SLC9A9: variants seen among roughly 807,000 people sequenced by gnomAD.
SLC9A9 encodes solute carrier family 9 member A9, also known as sodium/hydrogen exchanger 9.
SLC9A9 carries 62 observed loss-of-function variants against 77.8 expected under a neutral mutation model. The observed-to-expected ratio is 0.80, with a 90% CI of 0.65 to 0.98. SLC9A9 has a LOEUF of 0.98. Ranked by LOEUF, SLC9A9 falls within the 50% of genes least tolerant of loss-of-function variation. SLC9A9 has a pLI of 0.00. For missense variants in SLC9A9, 775 were observed against 774.9 expected (o/e 1.00, Z 0.00); for synonymous variants, 320 against 283.5 (o/e 1.13, Z -1.29).
intron 2 of SLC9A9, among the ~76,000 whole-genome samples, chr3:143,824,314 A>G (rs2108883339): frequency 6.6e-6 from 1 of 152,262 alleles, no homozygotes; most frequent in South Asian, 2.1e-4. Context: ...AAAAAACCAA[A>G]AACAAAAAAC....
At chr3:143,543,103 C>G (rs1172542434) in intron 9 of SLC9A9, among the ~76,000 whole-genome samples, 1 of 152,186 alleles carries the variant, frequency 6.6e-6, no homozygotes, top group African/African-American at 2.4e-5. Flanking sequence ...TCATGGTTAT[C>G]TTTGTAAGAC....
At chr3:143,373,169 A>G (rs1172444717) in intron 13 of SLC9A9, among the ~76,000 whole-genome samples, 4 of 152,208 alleles carry the variant, frequency 2.6e-5, no homozygotes, top group Non-Finnish European at 5.9e-5. Flanking sequence ...ATTGCAATAC[A>G]ATTCACAACT....
intron 5 of SLC9A9, among the ~76,000 whole-genome samples, chr3:143,672,067 T>C (rs2108765879): frequency 6.6e-6 from 1 of 152,372 alleles, no homozygotes; most frequent in South Asian, 2.1e-4. Flanking sequence ...TTTTGCTGTT[T>C]ATAATATGGC....
intron 12 of SLC9A9, among the ~76,000 whole-genome samples, chr3:143,462,865 T>G (rs2035218390): frequency 6.6e-6 from 1 of 152,182 alleles, no homozygotes; most frequent in Non-Finnish European, 1.5e-5. Context: ...ACTAGTTGAG[T>G]GTGCAGGCCC....
intron 1 of SLC9A9, among the ~76,000 whole-genome samples, chr3:143,835,975 G>C (rs1036283845): frequency 2.0e-5 from 3 of 152,204 alleles, no homozygotes; most frequent in Non-Finnish European, 2.9e-5. Flanking sequence ...TGTATCCCCT[G>C]CTTCTTCAAG....
chr3:143,563,327 T>G (rs1477115143), intron 8 of SLC9A9, among the ~76,000 whole-genome samples: 1 of 152,194 alleles, frequency 6.6e-6, no homozygotes, highest in Non-Finnish European at 1.5e-5. Flanking sequence ...GACTTCCACT[T>G]CTGGACCCCC....
At chr3:143,831,303 G>T (rs934232914) in intron 2 of SLC9A9, among the ~76,000 whole-genome samples, 1 of 152,076 alleles carries the variant, frequency 6.6e-6, no homozygotes, top group Non-Finnish European at 1.5e-5. Context: ...ACTGATCCAG[G>T]GTTTACAAGG....
intron 1 of SLC9A9, among the ~76,000 whole-genome samples, chr3:143,833,544 T>C (rs1455881068): frequency 2.0e-5 from 3 of 152,206 alleles, no homozygotes; most frequent in East Asian, 3.9e-4. Context: ...TCAGAATGAG[T>C]TGGGATCCAG....
chr3:143,601,301 G>C (rs552085382), intron 6 of SLC9A9, among the ~76,000 whole-genome samples: 2 of 152,246 alleles, frequency 1.3e-5, no homozygotes, highest in African/African-American at 4.8e-5. Flanking sequence ...TTTGAGATGG[G>C]AAATCATTTG....
chr3:143,450,781 G>C (rs2034993302), intron 12 of SLC9A9, among the ~76,000 whole-genome samples: 1 of 152,180 alleles, frequency 6.6e-6, no homozygotes, highest in African/African-American at 2.4e-5. Flanking sequence ...AGCCCACATG[G>C]ACACAGGCTG....
At chr3:143,462,555 C>T (rs115710751) in intron 12 of SLC9A9, among the ~76,000 whole-genome samples, 2,137 of 152,176 alleles carry the variant, frequency 0.014, 49 homozygotes, top group Admixed American at 0.055. Flanking sequence ...CTATAAGTAC[C>T]GTAATTCTAA....
At chr3:143,582,282 TA>T (rs1392386422) in intron 6 of SLC9A9, among the ~76,000 whole-genome samples, 1 of 152,222 alleles carries the variant, frequency 6.6e-6, no homozygotes, top group East Asian at 1.9e-4. Context: ...ACCTCATCTG[TA>T]AAATGGAGAT....
At chr3:143,841,479 C>A (rs1311028586) in intron 1 of SLC9A9, among the ~76,000 whole-genome samples, 1 of 152,130 alleles carries the variant, frequency 6.6e-6, no homozygotes, top group Non-Finnish European at 1.5e-5. Flanking sequence ...AACTTTTTGA[C>A]ATAATAGATG....
chr3:143,574,466 T>C (rs1382606592), intron 7 of SLC9A9, among the ~76,000 whole-genome samples: 1 of 152,186 alleles, frequency 6.6e-6, no homozygotes, highest in Non-Finnish European at 1.5e-5. Context: ...TTCAGCTCAC[T>C]GTGGGCCTAG....
intron 6 of SLC9A9, among the ~76,000 whole-genome samples, chr3:143,634,921 G>A (rs1246750462): frequency 2.0e-5 from 3 of 151,734 alleles, no homozygotes; most frequent in Non-Finnish European, 4.4e-5. Context: ...AATAGTACAG[G>A]GAAAGGGGTG....
rs143528071 is a variant in SLC9A9, at chr3:143,474,261, A to G, written c.1316-7071T>C. Reference sequence around the variant, plus strand: ...GCAGTGGAAGGAGATAATGCCAGAGAGGTGACATAGCCAAATCATACTGGG... The same window carrying G: ...GCAGTGGAAGGAGATAATGCCAGAGGGGTGACATAGCCAAATCATACTGGG... On this transcript the variant is annotated intron_variant, in intron 11 of 15. Transcript: ENST00000316549. 2.0e-3 allele frequency among the ~76,000 whole-genome samples: 300 copies of G among 152,298 alleles called. 1 individual carries two copies. The highest frequency in any genetic ancestry group is 7.1e-3 in the African/African-American group (294 of 41,562).
chr3:143,795,642 T>C (rs1450979399), intron 3 of SLC9A9, among the ~76,000 whole-genome samples: 2 of 152,156 alleles, frequency 1.3e-5, no homozygotes, highest in Admixed American at 6.5e-5. Context: ...TGAAGGAAGA[T>C]TGTTTGAGTA....
chr3:143,654,009 T>C (rs998071591), intron 5 of SLC9A9, among the ~76,000 whole-genome samples: 12 of 151,968 alleles, frequency 7.9e-5, no homozygotes, highest in Non-Finnish European at 1.8e-4. Flanking sequence ...AGATGGAAAA[T>C]TGGTGGGTGT....
At chr3:143,317,788 A>T (rs532539748) in intron 14 of SLC9A9, among the ~76,000 whole-genome samples, 1 of 152,000 alleles carries the variant, frequency 6.6e-6, no homozygotes, top group Non-Finnish European at 1.5e-5. Flanking sequence ...AGTGCAGTGG[A>T]GTGATCTTGG....
Sources: gnomAD v4.1 joint callset for allele counts (sites outside exome capture counted in the v4.1 genomes callset) on GRCh38, gnomAD v4.1.1 for gene constraint, MANE v1.5 for transcripts, NCBI Gene and HGNC (gene_info 2026-07-23, HGNC 2026-07-21) for gene names.